SRPK2: variants seen among roughly 807,000 people sequenced by gnomAD.
The protein encoded by SRPK2 is SFRS protein kinase 2.
Under a neutral mutation model 90.8 loss-of-function variants are expected in SRPK2, and 21 were observed. The ratio of observed to expected loss-of-function variants is 0.23; its 90% CI spans 0.16 to 0.33. SRPK2 has a LOEUF of 0.33. Ranked by LOEUF, SRPK2 falls within the 10% of genes least tolerant of loss-of-function variation. The pLI is 1.00. For missense variants in SRPK2, 620 were observed against 869.0 expected, an observed-to-expected ratio of 0.71 and a Z score of 3.60; for synonymous variants, 288 against 311.1, an observed-to-expected ratio of 0.93 and a Z score of 0.78.
At chr7:105,248,596 T>C (rs939577730) in intron 2 of SRPK2, among the ~76,000 whole-genome samples, 4 of 151,532 alleles carry the variant, frequency 2.6e-5, no homozygotes, top group African/African-American at 9.7e-5. Context: ...AGCAAGACCC[T>C]ACCTCTTAAC....
At chr7:105,231,339 ATGTCT>A (rs1363734545) in intron 2 of SRPK2, among the ~76,000 whole-genome samples, 2 of 152,002 alleles carry the variant, frequency 1.3e-5, no homozygotes, top group Non-Finnish European at 2.9e-5. Flanking sequence ...CATTGATTCC[ATGTCT>A]TTGCTATTGT....
At chr7:105,269,667 T>G (rs897214328) in intron 2 of SRPK2, among the ~76,000 whole-genome samples, 7 of 152,068 alleles carry the variant, frequency 4.6e-5, no homozygotes, top group Non-Finnish European at 1.0e-4. Flanking sequence ...GGAAGGGAGA[T>G]AACAGACTAA....
At chr7:105,288,622 AT>A (rs796712579) in intron 2 of SRPK2, among the ~76,000 whole-genome samples, 9 of 152,232 alleles carry the variant, frequency 5.9e-5, no homozygotes, top group African/African-American at 2.2e-4. Context: ...AACAAAAAAA[AT>A]ATATAAAAAC....
At chr7:105,372,312 G>C (rs1372787746) in intron 2 of SRPK2, among the ~76,000 whole-genome samples, 1 of 152,064 alleles carries the variant, frequency 6.6e-6, no homozygotes, top group Non-Finnish European at 1.5e-5. Context: ...TTTTATTTGT[G>C]AATTGAAAAA....
chr7:105,389,337 C>A (rs1347262143), upstream of SRPK2: 1 of 1,278,764 alleles, frequency 7.8e-7, no homozygotes, highest in Admixed American at 2.4e-5. Flanking sequence ...GGCCTCTTCT[C>A]TCCCTTTGCT....
At chr7:105,319,859 C>G (rs1340615656) in intron 2 of SRPK2, among the ~76,000 whole-genome samples, 13 of 146,768 alleles carry the variant, frequency 8.9e-5, no homozygotes, top group Non-Finnish European at 1.7e-4. Context: ...CACTTCCCCC[C>G]CTTTTTTTTT....
rs1584935180 is a variant in SRPK2 at position 105,143,143 on chromosome 7, A to C, written c.1001T>G (p.Val334Gly). The change falls in exon 10 of 16, where the codon GTG becomes GGG. Residue 334 changes from valine (V) to glycine (G), a missense_variant. By Grantham distance (109) the Val-to-Gly change is moderately radical (BLOSUM62 -3). Transcript: ENST00000393651. The part of the protein sequence containing the change: ...NDQDGEYCPE[V>G]KLKTTGLEEA... ...CTCTAATCCTGTTGTTTTTAGTTTCACCTCTGGGCAGTATTCGCCATCCTG... is the reference window on the plus strand; with the variant it reads ...CTCTAATCCTGTTGTTTTTAGTTTCCCCTCTGGGCAGTATTCGCCATCCTG... 4 of 1,613,634 alleles carry C rather than the reference A, an allele frequency of 2.5e-6. No individual in the cohort carries two copies. The highest frequency in any genetic ancestry group is 3.4e-6 in the Non-Finnish European group (4 of 1,179,918).
In SRPK2 at chr7:105,129,463, C is replaced by G. The variant is rs144240938; in HGVS notation, c.1753-2401G>C. ...AATTTTGGCTCACTACAACCTCTGC[C>G]TCCTGGGTTCAAGCGATTCTCCTGC... On this transcript the variant is annotated intron_variant, in intron 13 of 15. Coordinates refer to ENST00000393651, the MANE Select transcript of SRPK2 (RefSeq NM_182692.3). Among the ~76,000 whole-genome samples the G allele has an allele frequency of 3.7e-3, 557 of 152,276 alleles. 15 individuals carry two copies. The East Asian group carries it at 0.062, about 17-fold the overall frequency.
intron 2 of SRPK2, among the ~76,000 whole-genome samples, chr7:105,232,217 G>A (rs1401446961): frequency 4.6e-5 from 7 of 151,960 alleles, no homozygotes; most frequent in South Asian, 2.1e-4. Flanking sequence ...CTGTAAGCCC[G>A]GCACTTTGGG....
intron 11 of SRPK2, among the ~76,000 whole-genome samples, chr7:105,138,169 G>T (rs984069071): frequency 4.6e-5 from 7 of 152,178 alleles, no homozygotes; most frequent in Non-Finnish European, 8.8e-5. Context: ...AAGAGAAGAA[G>T]AATGTAAAAA....
At chr7:105,292,489 A>G (rs7796274) in intron 2 of SRPK2, among the ~76,000 whole-genome samples, 51,270 of 120,588 alleles carry the variant, frequency 0.43, 11,595 homozygotes, top group South Asian at 0.51. Flanking sequence ...GCGATAGAGT[A>G]AGACTCTCAA....
intron 1 of SRPK2, among the ~76,000 whole-genome samples, chr7:105,396,931 A>C (rs1822349375): frequency 6.6e-6 from 1 of 152,170 alleles, no homozygotes; most frequent in African/African-American, 2.4e-5. Flanking sequence ...TTTGAAATTA[A>C]GTATTTCTTC....
At chr7:105,295,152 C>T (rs928779875) in intron 2 of SRPK2, among the ~76,000 whole-genome samples, 12 of 151,026 alleles carry the variant, frequency 7.9e-5, no homozygotes, top group Non-Finnish European at 1.3e-4. Flanking sequence ...GCAGAGGCTG[C>T]GGTGAGCCAA....
chr7:105,353,475 G>C (rs902773268), intron 2 of SRPK2, among the ~76,000 whole-genome samples: 1 of 151,910 alleles, frequency 6.6e-6, no homozygotes, highest in African/African-American at 2.4e-5. Flanking sequence ...AAGTAGCTGG[G>C]ATTACAGGAG....
At chr7:105,170,421 G>A (rs577495531) in intron 3 of SRPK2, among the ~76,000 whole-genome samples, 16 of 152,008 alleles carry the variant, frequency 1.1e-4, no homozygotes, top group African/African-American at 3.6e-4. Flanking sequence ...GGCCGGGCAC[G>A]GTGGCTCACA....
At chr7:105,278,073 T>C (rs1466825856) in intron 2 of SRPK2, among the ~76,000 whole-genome samples, 1 of 152,184 alleles carries the variant, frequency 6.6e-6, no homozygotes, top group Non-Finnish European at 1.5e-5. Flanking sequence ...CCCAGCACTT[T>C]GGGAGGCTGA....
At chr7:105,192,122 T>C (rs1349931749) in intron 3 of SRPK2, among the ~76,000 whole-genome samples, 1 of 151,882 alleles carries the variant, frequency 6.6e-6, no homozygotes, top group African/African-American at 2.4e-5. Context: ...GTAAGTTCTT[T>C]AGTGGTGATT....
intron 2 of SRPK2, among the ~76,000 whole-genome samples, chr7:105,373,078 G>C (rs1819878603): frequency 6.6e-6 from 1 of 151,956 alleles, no homozygotes; most frequent in Non-Finnish European, 1.5e-5. Flanking sequence ...GACAAGAGTG[G>C]AACTCCATCT....
chr7:105,196,651 C>G (rs1794951246), intron 3 of SRPK2, among the ~76,000 whole-genome samples: 1 of 152,214 alleles, frequency 6.6e-6, no homozygotes, highest in Admixed American at 6.5e-5. Flanking sequence ...TGTAACACAG[C>G]CAACATTACT....
Sources: gnomAD v4.1 joint callset for allele counts (sites outside exome capture counted in the v4.1 genomes callset) on GRCh38, gnomAD v4.1.1 for gene constraint, MANE v1.5 for transcripts, NCBI Gene and HGNC (gene_info 2026-07-23, HGNC 2026-07-21) for gene names.